B3GALT1: variants seen among roughly 807,000 people sequenced by gnomAD.
B3GALT1 encodes UDP-Gal:betaGlcNAc beta 1,3-galactosyltransferase, polypeptide 1.
B3GALT1 carries 10 observed loss-of-function variants against 23.2 expected under a neutral mutation model. The ratio of observed to expected loss-of-function variants is 0.43; its 90% CI spans 0.27 to 0.73. The LOEUF (loss-of-function observed/expected upper bound fraction) is 0.73, where lower values mean the gene tolerates loss of function less well. Among genes scored for constraint, B3GALT1 ranks in the 30% least tolerant of loss-of-function variants. B3GALT1 has a pLI of 0.21. For missense variants in B3GALT1, 299 were observed against 405.4 expected (o/e 0.74, Z 2.25); for synonymous variants, 156 against 141.5 (o/e 1.10, Z -0.73).
intron 3 of B3GALT1, among the ~76,000 whole-genome samples, chr2:167,784,846 C>G (rs959979507): frequency 2.3e-4 from 35 of 152,182 alleles, no homozygotes; most frequent in African/African-American, 8.4e-4. Flanking sequence ...AGACCCCAGT[C>G]TCATACAATT....
intron 1 of B3GALT1, among the ~76,000 whole-genome samples, chr2:167,439,330 A>G (rs1698840039): frequency 6.6e-6 from 1 of 152,084 alleles, no homozygotes; most frequent in South Asian, 2.1e-4. Flanking sequence ...TTTGAATCCT[A>G]TTTTTCACAT....
At chr2:167,416,505 G>A (rs930143499) in intron 1 of B3GALT1, among the ~76,000 whole-genome samples, 2 of 152,198 alleles carry the variant, frequency 1.3e-5, no homozygotes, top group African/African-American at 4.8e-5. Flanking sequence ...CAGGGGCAAG[G>A]CCCCCAATAA....
intron 1 of B3GALT1, among the ~76,000 whole-genome samples, chr2:167,388,911 T>A (rs1697973944): frequency 6.6e-6 from 1 of 152,226 alleles, no homozygotes. Context: ...ACATTTGACT[T>A]CTGCAAATGT....
chr2:167,402,817 C>T (rs1225126078), intron 1 of B3GALT1, among the ~76,000 whole-genome samples: 1 of 152,058 alleles, frequency 6.6e-6, no homozygotes, highest in Admixed American at 6.6e-5. Context: ...CTGAGTTAGT[C>T]ATGTTTCCAT....
intron 1 of B3GALT1, among the ~76,000 whole-genome samples, chr2:167,376,451 G>C (rs568434289): frequency 5.1e-4 from 78 of 152,254 alleles, no homozygotes; most frequent in African/African-American, 1.8e-3. Flanking sequence ...GGTACAATCA[G>C]CAGTGAATCC....
chr2:167,679,361 C>T (rs1157079160), intron 3 of B3GALT1, among the ~76,000 whole-genome samples: 2 of 151,710 alleles, frequency 1.3e-5, no homozygotes, highest in Non-Finnish European at 2.9e-5. Context: ...TCAGGTGATC[C>T]GCCCACCTCG....
chr2:167,866,994 T>G (rs1690233311), intron 4 of B3GALT1, among the ~76,000 whole-genome samples: 1 of 152,026 alleles, frequency 6.6e-6, no homozygotes, highest in South Asian at 2.1e-4. Flanking sequence ...TGGCGCAATC[T>G]CAGCTCACTG....
chr2:167,335,535 G>A (rs1697044566), intron 1 of B3GALT1, among the ~76,000 whole-genome samples: 1 of 152,158 alleles, frequency 6.6e-6, no homozygotes, highest in African/African-American at 2.4e-5. Flanking sequence ...ACAAGGGGTG[G>A]ATTATTCATG....
rs372397660 is a variant in B3GALT1, at chr2:167,844,434, C to T, written c.-229-24377C>T. Among the ~76,000 whole-genome samples, 163 of 152,302 alleles carry T rather than the reference C, an allele frequency of 1.1e-3. 2 individuals carry two copies. The South Asian group carries it at 0.012, about 11-fold the overall frequency. On this transcript the variant is annotated intron_variant, in intron 4 of 4. Coordinates refer to ENST00000392690, the MANE Select transcript of B3GALT1 (RefSeq NM_020981.4). Reference sequence around the variant, plus strand: ...CCAAGTACTATGAGTGCCCCAACTGCGGTAGTGGGAAAGGGAGACCCTCCT... The same window carrying T: ...CCAAGTACTATGAGTGCCCCAACTGTGGTAGTGGGAAAGGGAGACCCTCCT...
At chr2:167,756,840 A>G (rs1687825733) in intron 3 of B3GALT1, among the ~76,000 whole-genome samples, 1 of 152,206 alleles carries the variant, frequency 6.6e-6, no homozygotes, top group Non-Finnish European at 1.5e-5. Context: ...TGGCCCATTT[A>G]CTGCCATTTA....
At chr2:167,442,623 T>G (rs1009414721) in intron 1 of B3GALT1, among the ~76,000 whole-genome samples, 42 of 151,644 alleles carry the variant, frequency 2.8e-4, no homozygotes, top group African/African-American at 9.3e-4. Context: ...ATTTCTCTGA[T>G]GGCCAGTGAT....
intron 1 of B3GALT1, among the ~76,000 whole-genome samples, chr2:167,410,764 A>C (rs1356164514): frequency 6.6e-6 from 1 of 152,042 alleles, no homozygotes; most frequent in African/African-American, 2.4e-5. Flanking sequence ...AAATAAAATA[A>C]ATAGCTCCAA....
intron 2 of B3GALT1, among the ~76,000 whole-genome samples, chr2:167,645,940 C>T (rs768899701): frequency 2.0e-5 from 3 of 151,846 alleles, no homozygotes; most frequent in Admixed American, 6.6e-5. Flanking sequence ...GTGAGTTTAC[C>T]GTAAGGAGAA....
intron 4 of B3GALT1, among the ~76,000 whole-genome samples, chr2:167,825,469 T>C (rs975625185): frequency 7.8e-4 from 112 of 143,994 alleles, no homozygotes; most frequent in African/African-American, 2.6e-3. Flanking sequence ...TGCACGTGTG[T>C]GTGTGTGTTA....
intron 3 of B3GALT1, among the ~76,000 whole-genome samples, chr2:167,789,982 G>A (rs1273183334): frequency 2.0e-5 from 3 of 152,158 alleles, no homozygotes; most frequent in Non-Finnish European, 2.9e-5. Context: ...ACAGACAAGT[G>A]GTTCAAACTT....
chr2:167,353,254 A>G (rs1036844021), intron 1 of B3GALT1, among the ~76,000 whole-genome samples: 1 of 152,162 alleles, frequency 6.6e-6, no homozygotes, highest in Non-Finnish European at 1.5e-5. Context: ...CTAAAATTGT[A>G]TTTGGAGCTG....
At chr2:167,683,657 G>A (rs1686571733) in intron 3 of B3GALT1, among the ~76,000 whole-genome samples, 1 of 152,138 alleles carries the variant, frequency 6.6e-6, no homozygotes, top group African/African-American at 2.4e-5. Flanking sequence ...AAAGGTCGAG[G>A]CTGTGGTGAG....
At chr2:167,715,600 C>A in intron 3 of B3GALT1, 1 of 1,613,854 alleles carries the variant, frequency 6.2e-7, no homozygotes, top group Non-Finnish European at 8.5e-7. Flanking sequence ...GTTTAGATTT[C>A]TCTTCTTTTA....
At chr2:167,298,579 T>A (rs1324714018) in intron 1 of B3GALT1, among the ~76,000 whole-genome samples, 5 of 152,120 alleles carry the variant, frequency 3.3e-5, no homozygotes, top group African/African-American at 9.7e-5. Context: ...AGCATACAGA[T>A]GTATATACTC....
Sources: gnomAD v4.1 joint callset for allele counts (sites outside exome capture counted in the v4.1 genomes callset) on GRCh38, gnomAD v4.1.1 for gene constraint, MANE v1.5 for transcripts, NCBI Gene and HGNC (gene_info 2026-07-23, HGNC 2026-07-21) for gene names.